The following MAML3 variants were observed in gnomAD, a reference collection of about 807,000 sequenced individuals.
MAML3 encodes mastermind-like protein 3.
MAML3 carries 27 observed loss-of-function variants against 101.9 expected under a neutral mutation model. The observed-to-expected ratio is 0.27, with a 90% CI of 0.20 to 0.37. The LOEUF (loss-of-function observed/expected upper bound fraction) is 0.37, where lower values mean the gene tolerates loss of function less well. Ranked by LOEUF, MAML3 falls within the 10% of genes least tolerant of loss-of-function variation. The probability of loss-of-function intolerance (pLI) is 1.00; values close to 1 mark genes in which losing one functional copy is unlikely to be tolerated. For synonymous variants in MAML3, 501 were observed against 555.9 expected (o/e 0.90, Z 1.39); for missense variants, 1,316 against 1,444.9 (o/e 0.91, Z 1.45).
At chr4:140,037,755 G>C (rs1055898995) in intron 1 of MAML3, among the ~76,000 whole-genome samples, 1 of 152,200 alleles carries the variant, frequency 6.6e-6, no homozygotes, top group African/African-American at 2.4e-5. Flanking sequence ...CCTAAGGTAC[G>C]TGTATTTCAA....
chr4:140,075,710 A>T (rs1470083275), intron 1 of MAML3, among the ~76,000 whole-genome samples: 7 of 147,750 alleles, frequency 4.7e-5, no homozygotes, highest in South Asian at 4.3e-4. Context: ...CCAATTTCAA[A>T]TTTTTTTTGT....
At chr4:139,971,705 T>C (rs1734237784) in intron 1 of MAML3, among the ~76,000 whole-genome samples, 2 of 152,208 alleles carry the variant, frequency 1.3e-5, no homozygotes, top group Admixed American at 1.3e-4. Flanking sequence ...ATCTGGTCAA[T>C]ACTTCCATTT....
intron 1 of MAML3, among the ~76,000 whole-genome samples, chr4:140,088,234 G>A (rs543063605): frequency 5.9e-5 from 9 of 151,962 alleles, no homozygotes; most frequent in South Asian, 4.2e-4. Context: ...GAGGGAGGAC[G>A]GGAGGGAGGG....
intron 1 of MAML3, among the ~76,000 whole-genome samples, chr4:140,055,089 T>C (rs1727330607): frequency 1.3e-5 from 2 of 152,210 alleles, no homozygotes; most frequent in Non-Finnish European, 2.9e-5. Context: ...CTGTATTATT[T>C]AGGTCAGACC....
chr4:139,850,997 A>C (rs1731537757), intron 2 of MAML3, among the ~76,000 whole-genome samples: 1 of 152,150 alleles, frequency 6.6e-6, no homozygotes, highest in South Asian at 2.1e-4. Flanking sequence ...TCTTTCCAGA[A>C]AAGTGGGAAA....
intron 2 of MAML3, among the ~76,000 whole-genome samples, chr4:139,878,079 A>G (rs1427921801): frequency 6.6e-6 from 1 of 152,208 alleles, no homozygotes; most frequent in Non-Finnish European, 1.5e-5. Flanking sequence ...AGTCCTCTAA[A>G]TGTTCTCCCA....
chr4:140,041,788 T>A (rs1727090260), intron 1 of MAML3, among the ~76,000 whole-genome samples: 1 of 152,174 alleles, frequency 6.6e-6, no homozygotes, highest in South Asian at 2.1e-4. Flanking sequence ...TTTTTTTAAG[T>A]AGTCCAGACA....
intron 3 of MAML3, among the ~76,000 whole-genome samples, chr4:139,726,582 GGATGC>G (rs1436765184): frequency 6.6e-6 from 1 of 151,056 alleles, no homozygotes; most frequent in Non-Finnish European, 1.5e-5. Flanking sequence ...TGACCTAAGT[GGATGC>G]TTTGGGCATA....
At chr4:139,896,129 C>T (rs542515166) in intron 1 of MAML3, among the ~76,000 whole-genome samples, 1 of 152,184 alleles carries the variant, frequency 6.6e-6, no homozygotes, top group South Asian at 2.1e-4. Context: ...CAGAGGGAGG[C>T]GGAGAGGGAG....
chr4:139,828,582 C>A (rs1259266305), intron 2 of MAML3, among the ~76,000 whole-genome samples: 2 of 152,034 alleles, frequency 1.3e-5, no homozygotes, highest in African/African-American at 2.4e-5. Flanking sequence ...TCTAGAGACG[C>A]CAAGCAAATG....
At chr4:140,048,578 C>G (rs1021356350) in intron 1 of MAML3, among the ~76,000 whole-genome samples, 2 of 152,168 alleles carry the variant, frequency 1.3e-5, no homozygotes, top group African/African-American at 4.8e-5. Flanking sequence ...CATAATTACC[C>G]AGGTAACTTG....
chr4:139,805,602 T>A (rs966199837), intron 2 of MAML3, among the ~76,000 whole-genome samples: 1 of 152,168 alleles, frequency 6.6e-6, no homozygotes, highest in African/African-American at 2.4e-5. Context: ...AAGACTTGAG[T>A]GAATGGAGAT....
At chr4:139,938,428 T>A (rs1733545574) in intron 1 of MAML3, among the ~76,000 whole-genome samples, 1 of 152,236 alleles carries the variant, frequency 6.6e-6, no homozygotes. Context: ...AACCTGGGCC[T>A]ACTATCAGTT....
At chr4:139,843,226 T>C (rs1172315379) in intron 2 of MAML3, among the ~76,000 whole-genome samples, 1 of 152,170 alleles carries the variant, frequency 6.6e-6, no homozygotes, top group Non-Finnish European at 1.5e-5. Flanking sequence ...CTTTGGCAAT[T>C]ACCTTACTGC....
chr4:139,769,902 A>T (rs926501338), intron 2 of MAML3, among the ~76,000 whole-genome samples: 2 of 145,350 alleles, frequency 1.4e-5, no homozygotes, highest in Admixed American at 7.0e-5. Flanking sequence ...GGCGTGAGCC[A>T]TCGCGCCCAG....
intron 1 of MAML3, among the ~76,000 whole-genome samples, chr4:140,062,059 C>T (rs1459132952): frequency 6.6e-6 from 1 of 152,188 alleles, no homozygotes; most frequent in African/African-American, 2.4e-5. Context: ...ACCTCCCGCC[C>T]CCATTATAAC....
chr4:139,893,772 T>C lies in MAML3; in HGVS notation c.469-2805A>G, dbSNP rs560639877. On this transcript the variant is annotated intron_variant, in intron 1 of 4. Coordinates refer to ENST00000509479, the MANE Select transcript of MAML3 (RefSeq NM_018717.5). ...AAGTCTTGCTAACTCTATGGATTTA[T>C]CAATTATAAACCTAACTCATCTGTG... Among the ~76,000 whole-genome samples, 8 of 152,258 alleles carry C rather than the reference T, an allele frequency of 5.3e-5. 1 individual carries two copies. Among genetic ancestry groups the C allele is most frequent in the Admixed American group, 3.9e-4 (6 of 15,292 alleles).
chr4:139,935,947 C>T (rs1455253956), intron 1 of MAML3, among the ~76,000 whole-genome samples: 9 of 152,190 alleles, frequency 5.9e-5, no homozygotes, highest in South Asian at 2.1e-4. Flanking sequence ...GTATTACTGA[C>T]TGTAGTTACC....
chr4:140,091,551 A>C lies in MAML3; in HGVS notation c.468+61309T>G, dbSNP rs1474886013. ...AAACAACAAAACAAAAACAAAACAA[A>C]AAAAAAAAACAGGACCAAGGACCAA... On this transcript the variant is annotated intron_variant, in intron 1 of 4. Coordinates refer to ENST00000509479, the MANE Select transcript of MAML3 (RefSeq NM_018717.5). Among the ~76,000 whole-genome samples the C allele has an allele frequency of 1.5e-4, 22 of 149,684 alleles. 1 individual carries two copies. Among genetic ancestry groups the C allele is most frequent in the African/African-American group, 5.1e-4 (21 of 40,924 alleles).
Sources: allele counts gnomAD v4.1 joint callset (sites outside exome capture counted in the v4.1 genomes callset), GRCh38; gene constraint gnomAD v4.1.1; transcripts MANE v1.5; gene names NCBI Gene and HGNC (gene_info 2026-07-23, HGNC 2026-07-21).